SV2C: variants seen among roughly 807,000 people sequenced by gnomAD.
The protein encoded by SV2C is solute carrier family 22 member B3.
SV2C carries 49 observed loss-of-function variants against 79.7 expected under a neutral mutation model. The observed-to-expected ratio is 0.61, with a 90% CI of 0.49 to 0.78. SV2C has a LOEUF of 0.78. SV2C is among the 30% of genes least tolerant of loss of function. The pLI, the probability that SV2C is intolerant of heterozygous loss-of-function variation, is 0.00. For missense variants in SV2C, 833 were observed against 912.9 expected (o/e 0.91, Z 1.13); for synonymous variants, 334 against 333.2 (o/e 1.00, Z -0.03).
chr5:76,020,520 G>A, the SV2C span, among the ~76,000 whole-genome samples: 6 of 152,142 alleles, frequency 3.9e-5, no homozygotes, highest in African/African-American at 1.4e-4. Context: ...CTAACGGCGA[G>A]GGTAGCTCAT....
chr5:76,093,929 C>T (rs1194085198), intron 1 of SV2C, among the ~76,000 whole-genome samples: 2 of 152,120 alleles, frequency 1.3e-5, no homozygotes, highest in Non-Finnish European at 2.9e-5. Context: ...TTACCCGTTG[C>T]CCTATTCATT....
At chr5:75,924,757 C>CAT in the SV2C span, among the ~76,000 whole-genome samples, 609 of 150,834 alleles carry the variant, frequency 4.0e-3, 2 homozygotes, top group African/African-American at 0.012. Context: ...AAAATTTATA[C>CAT]ATATATATAT....
chr5:76,188,810 G>C (rs1019665104), intron 2 of SV2C, among the ~76,000 whole-genome samples: 2 of 152,114 alleles, frequency 1.3e-5, no homozygotes, highest in African/African-American at 2.4e-5. Flanking sequence ...GGCAGGGACA[G>C]CTGGAGAGGG....
At chr5:76,130,637 G>A (rs1748856837) in intron 1 of SV2C, among the ~76,000 whole-genome samples, 1 of 152,182 alleles carries the variant, frequency 6.6e-6, no homozygotes, top group African/African-American at 2.4e-5. Flanking sequence ...AGAAGAGGCA[G>A]CTGAGTGGAC....
intron 2 of SV2C, among the ~76,000 whole-genome samples, chr5:76,164,409 A>G (rs1742982821): frequency 3.3e-5 from 5 of 152,340 alleles, no homozygotes; most frequent in African/African-American, 1.2e-4. Context: ...CGAGCTCCAC[A>G]ATAGGATGTC....
rs1040779407 is a variant in SV2C, at chr5:76,333,443, G to A, written c.*7896G>A. 3.3e-5 allele frequency: 5 copies of A among 152,102 alleles called. No homozygotes were observed. Among genetic ancestry groups the A allele is most frequent in the East Asian group, 1.9e-4 (1 of 5,200 alleles). 9.4% of individuals were successfully genotyped at this position (152,102 alleles called of 1,614,324 possible). A position where few individuals can be genotyped will look rare whatever the true frequency, so the allele number is the denominator to read the frequency against. On this transcript the variant is annotated 3_prime_UTR_variant, in exon 13 of 13. Coordinates refer to ENST00000502798, the MANE Select transcript of SV2C (RefSeq NM_014979.4). Reference sequence around the variant, plus strand: ...CTTCCATTTTGAACATATGCTAAACGTACTATCCACTGTCTATTTTAATGA... The same window carrying A: ...CTTCCATTTTGAACATATGCTAAACATACTATCCACTGTCTATTTTAATGA...
At chr5:76,265,288 G>A (rs1219482850) in intron 4 of SV2C, among the ~76,000 whole-genome samples, 2 of 152,112 alleles carry the variant, frequency 1.3e-5, no homozygotes, top group East Asian at 1.9e-4. Flanking sequence ...TAGTAATGGC[G>A]GACGCCCCTG....
chr5:75,962,930 A>G, the SV2C span, among the ~76,000 whole-genome samples: 2 of 152,180 alleles, frequency 1.3e-5, no homozygotes, highest in Admixed American at 6.5e-5. Context: ...TCAAAAGTAC[A>G]CAACAAATGG....
At chr5:75,939,765 C>A in the SV2C span, among the ~76,000 whole-genome samples, 1 of 152,180 alleles carries the variant, frequency 6.6e-6, no homozygotes, top group African/African-American at 2.4e-5. Flanking sequence ...TCCAACCCTG[C>A]CCTCTGCCCT....
At chr5:76,208,770 CTTATG>C (rs1250480269) in intron 3 of SV2C, among the ~76,000 whole-genome samples, 1 of 152,218 alleles carries the variant, frequency 6.6e-6, no homozygotes, top group Non-Finnish European at 1.5e-5. Flanking sequence ...CGACAATGTA[CTTATG>C]TTGTGTGTCT....
At chr5:76,036,911 C>T in the SV2C span, among the ~76,000 whole-genome samples, 2,054 of 152,304 alleles carry the variant, frequency 0.013, 47 homozygotes, top group East Asian at 0.048. Flanking sequence ...TCTTTTCACA[C>T]AGTCCCATAT....
intron 4 of SV2C, among the ~76,000 whole-genome samples, chr5:76,259,827 T>C (rs1237827606): frequency 6.6e-6 from 1 of 152,202 alleles, no homozygotes; most frequent in Non-Finnish European, 1.5e-5. Context: ...ATGTGCCACA[T>C]TTTTTTATCC....
At chr5:76,324,186 C>A (rs1181664440) in intron 12 of SV2C, among the ~76,000 whole-genome samples, 1 of 152,112 alleles carries the variant, frequency 6.6e-6, no homozygotes, top group African/African-American at 2.4e-5. Context: ...TCTCAAACTC[C>A]TAGGTTCAAG....
the SV2C span, among the ~76,000 whole-genome samples, chr5:76,052,532 G>C: frequency 0.22 from 33,608 of 152,166 alleles, 4,020 homozygotes; most frequent in East Asian, 0.46. Flanking sequence ...GACTACCAGG[G>C]ACTTGGGACC....
At chr5:76,037,535 G>C in the SV2C span, among the ~76,000 whole-genome samples, 1 of 152,160 alleles carries the variant, frequency 6.6e-6, no homozygotes, top group African/African-American at 2.4e-5. Context: ...CCTGCTGGGG[G>C]GTGCCTCCCA....
At chr5:76,109,193 G>A (rs889686444) in intron 1 of SV2C, among the ~76,000 whole-genome samples, 24 of 152,158 alleles carry the variant, frequency 1.6e-4, no homozygotes, top group Admixed American at 1.6e-3. Context: ...AAGAGCAAAG[G>A]AAAGTGATAG....
At chr5:76,302,303 G>C (rs1465189796) in intron 12 of SV2C, among the ~76,000 whole-genome samples, 8 of 152,130 alleles carry the variant, frequency 5.3e-5, no homozygotes, top group Non-Finnish European at 1.2e-4. Flanking sequence ...TGGTTTGTTG[G>C]AGGAAAGCCA....
chr5:76,207,026 C>T (rs766180535), intron 3 of SV2C, among the ~76,000 whole-genome samples: 12 of 152,086 alleles, frequency 7.9e-5, no homozygotes, highest in Non-Finnish European at 1.5e-4. Context: ...AAAATAACCA[C>T]GTGCAAAAGA....
At chr5:76,018,872 T>C in the SV2C span, among the ~76,000 whole-genome samples, 3 of 152,150 alleles carry the variant, frequency 2.0e-5, no homozygotes, top group Non-Finnish European at 4.4e-5. Flanking sequence ...CACAAGTAAA[T>C]TGGAGAAGTA....
Sources: allele counts gnomAD v4.1 joint callset (sites outside exome capture counted in the v4.1 genomes callset), GRCh38; gene constraint gnomAD v4.1.1; transcripts MANE v1.5; gene names NCBI Gene and HGNC (gene_info 2026-07-23, HGNC 2026-07-21).